MDGA2: variants seen among roughly 807,000 people sequenced by gnomAD.
MDGA2 encodes MAM domain-containing glycosylphosphatidylinositol anchor protein 2.
In MDGA2, 40 loss-of-function variants were observed where a neutral mutation model predicts 117.8. The ratio of observed to expected loss-of-function variants is 0.34; its 90% CI spans 0.26 to 0.44. The LOEUF (loss-of-function observed/expected upper bound fraction) is 0.44. Ranked by LOEUF, MDGA2 falls within the 20% of genes least tolerant of loss-of-function variation. The probability of loss-of-function intolerance (pLI) is 1.00; values close to 1 mark genes in which losing one functional copy is unlikely to be tolerated. For synonymous variants in MDGA2, 452 were observed against 439.0 expected (o/e 1.03, Z -0.37); for missense variants, 1,123 against 1,250.6 (o/e 0.90, Z 1.54).
chr14:47,153,153 C>T (rs994376765), intron 3 of MDGA2, among the ~76,000 whole-genome samples: 10 of 152,162 alleles, frequency 6.6e-5, no homozygotes, highest in Admixed American at 2.0e-4. Context: ...GCCAGGCTTT[C>T]GCTTTAGAAA....
chr14:47,492,103 T>G (rs1389869084), intron 1 of MDGA2, among the ~76,000 whole-genome samples: 2 of 152,168 alleles, frequency 1.3e-5, no homozygotes, highest in African/African-American at 2.4e-5. Flanking sequence ...TATAAATTCT[T>G]CTTTTCTTTC....
In MDGA2 at chr14:46,858,556, T is replaced by A. The variant is rs541200690; in HGVS notation, c.2753-3402A>T. Among the ~76,000 whole-genome samples the A allele has an allele frequency of 2.6e-5, 4 of 151,462 alleles. No homozygotes were observed. In the East Asian group the frequency reaches 5.9e-4, roughly 22 times the overall value. Reference sequence around the variant, plus strand: ...CATTCTCCTGCCTCAGCCTCCCGAGTAGCTGGGACTACAGGCGCCTGTTAC... The same window carrying A: ...CATTCTCCTGCCTCAGCCTCCCGAGAAGCTGGGACTACAGGCGCCTGTTAC... On this transcript the variant is annotated intron_variant, in intron 14 of 16. Coordinates refer to ENST00000399232, the MANE Select transcript of MDGA2 (RefSeq NM_001113498.3).
At chr14:47,533,299 A>T (rs1316680284) in intron 1 of MDGA2, among the ~76,000 whole-genome samples, 1 of 152,218 alleles carries the variant, frequency 6.6e-6, no homozygotes, top group East Asian at 1.9e-4. Flanking sequence ...ACAAACTCTG[A>T]GCACAGATCA....
chr14:47,304,450 G>A (rs555648916), intron 1 of MDGA2, among the ~76,000 whole-genome samples: 224 of 152,038 alleles, frequency 1.5e-3, no homozygotes, highest in African/African-American at 5.0e-3. Context: ...ACTAGGCTAG[G>A]GGTATAAAAA....
At chr14:47,383,068 G>A (rs1414857976) in intron 1 of MDGA2, among the ~76,000 whole-genome samples, 1 of 152,148 alleles carries the variant, frequency 6.6e-6, no homozygotes, top group Non-Finnish European at 1.5e-5. Context: ...CATGGATGAT[G>A]CTGGAAACCA....
chr14:47,034,580 A>C (rs1888772562), intron 8 of MDGA2, among the ~76,000 whole-genome samples: 1 of 152,162 alleles, frequency 6.6e-6, no homozygotes, highest in Non-Finnish European at 1.5e-5. Flanking sequence ...ATTTGGGAAA[A>C]GGACATGCAA....
At chr14:47,513,265 C>A (rs1179386441) in intron 1 of MDGA2, among the ~76,000 whole-genome samples, 2 of 152,032 alleles carry the variant, frequency 1.3e-5, no homozygotes, top group Non-Finnish European at 2.9e-5. Flanking sequence ...TGAAGACTTT[C>A]TTTCATTTTT....
At chr14:47,538,134 T>C (rs1240163402) in intron 1 of MDGA2, among the ~76,000 whole-genome samples, 1 of 152,190 alleles carries the variant, frequency 6.6e-6, no homozygotes, top group African/African-American at 2.4e-5. Flanking sequence ...AAAGAAGCAG[T>C]AGTTAAACAA....
chr14:47,343,164 C>T, intron 1 of MDGA2: 1 of 1,153,948 alleles, frequency 8.7e-7, no homozygotes, highest in Non-Finnish European at 1.1e-6. Context: ...GGACTAATTT[C>T]CACTTATCAT....
intron 9 of MDGA2, among the ~76,000 whole-genome samples, chr14:46,938,735 C>T (rs192189139): frequency 3.5e-4 from 53 of 151,826 alleles, no homozygotes; most frequent in Non-Finnish European, 5.4e-4. Context: ...ATGAAAGTAC[C>T]ATAGGATTCA....
intron 5 of MDGA2, among the ~76,000 whole-genome samples, chr14:47,106,672 G>C (rs557395089): frequency 6.6e-6 from 1 of 151,860 alleles, no homozygotes; most frequent in Admixed American, 6.6e-5. Context: ...CTGCCCGATC[G>C]CCTCGGAAGC....
At chr14:47,317,431 G>A (rs1394850342) in intron 1 of MDGA2, among the ~76,000 whole-genome samples, 1 of 152,078 alleles carries the variant, frequency 6.6e-6, no homozygotes, top group Non-Finnish European at 1.5e-5. Context: ...ACTTACTTAT[G>A]TCATGATATT....
chr14:46,993,488 G>A (rs987692290), intron 8 of MDGA2, among the ~76,000 whole-genome samples: 2 of 150,994 alleles, frequency 1.3e-5, no homozygotes, highest in Admixed American at 6.6e-5. Context: ...CTGACACAGA[G>A]TGTTGCTCTG....
At chr14:47,222,070 T>C (rs1594735041) in intron 2 of MDGA2, among the ~76,000 whole-genome samples, 2 of 152,006 alleles carry the variant, frequency 1.3e-5, no homozygotes, top group South Asian at 2.1e-4. Context: ...ACAACACTTA[T>C]ATCAGTCATA....
intron 7 of MDGA2, among the ~76,000 whole-genome samples, chr14:47,046,124 GCACATGTA>G (rs946108397): frequency 6.6e-6 from 1 of 151,124 alleles, no homozygotes; most frequent in African/African-American, 2.4e-5. Flanking sequence ...TGCACATTGT[GCACATGTA>G]CCCTAAAACT....
At chr14:47,492,056 C>T (rs1236572696) in intron 1 of MDGA2, among the ~76,000 whole-genome samples, 6 of 152,028 alleles carry the variant, frequency 3.9e-5, no homozygotes, top group African/African-American at 7.2e-5. Context: ...TGTGACCATT[C>T]GAGAACATTT....
At chr14:47,230,787 C>T (rs985668964) in intron 2 of MDGA2, among the ~76,000 whole-genome samples, 1 of 151,894 alleles carries the variant, frequency 6.6e-6, no homozygotes, top group Admixed American at 6.6e-5. Flanking sequence ...CGAAACTAAA[C>T]TGAGGCATAA....
At chr14:47,538,491 T>C (rs375766122) in intron 1 of MDGA2, among the ~76,000 whole-genome samples, 25 of 152,324 alleles carry the variant, frequency 1.6e-4, no homozygotes, top group African/African-American at 5.8e-4. Context: ...TCTTTAGAAA[T>C]TATCTTTTGT....
chr14:46,864,826 C>G (rs527975666), intron 14 of MDGA2, among the ~76,000 whole-genome samples: 1 of 151,792 alleles, frequency 6.6e-6, no homozygotes, highest in Non-Finnish European at 1.5e-5. Flanking sequence ...CACTAAGGAG[C>G]CTTATCTATC....
Sources: gnomAD v4.1 joint callset for allele counts (sites outside exome capture counted in the v4.1 genomes callset) on GRCh38, gnomAD v4.1.1 for gene constraint, MANE v1.5 for transcripts, NCBI Gene and HGNC (gene_info 2026-07-23, HGNC 2026-07-21) for gene names.